The following GRIK2 variants were observed in gnomAD, a reference collection of about 807,000 sequenced individuals.
GRIK2 encodes the protein glutamate ionotropic receptor kainate type subunit 2.
Under a neutral mutation model 100.3 loss-of-function variants are expected in GRIK2, and 32 were observed. The observed-to-expected ratio is 0.32, with a 90% CI of 0.24 to 0.43. The LOEUF (loss-of-function observed/expected upper bound fraction) is 0.43. Ranked by LOEUF, GRIK2 falls within the 20% of genes least tolerant of loss-of-function variation. The pLI is 1.00. For synonymous variants in GRIK2, 417 were observed against 389.4 expected (o/e 1.07, Z -0.83); for missense variants, 843 against 1,114.9 (o/e 0.76, Z 3.47).
chr6:101,517,693 G>C (rs1382777795), intron 2 of GRIK2, among the ~76,000 whole-genome samples: 1 of 151,994 alleles, frequency 6.6e-6, no homozygotes. Flanking sequence ...TGACTTTTAG[G>C]CCTCTGCTTT....
chr6:101,647,670 C>T (rs1282833875), intron 4 of GRIK2, among the ~76,000 whole-genome samples: 1 of 151,960 alleles, frequency 6.6e-6, no homozygotes, highest in Non-Finnish European at 1.5e-5. Flanking sequence ...CTTCATACGA[C>T]TCAGTTATTT....
chr6:101,881,626 A>C (rs185159758), intron 11 of GRIK2, among the ~76,000 whole-genome samples: 1 of 151,944 alleles, frequency 6.6e-6, no homozygotes, highest in Admixed American at 6.6e-5. Flanking sequence ...TAACTTGTCT[A>C]GTGCATTAAA....
At chr6:101,613,979 G>A (rs924752444) in intron 2 of GRIK2, among the ~76,000 whole-genome samples, 2 of 151,636 alleles carry the variant, frequency 1.3e-5, no homozygotes, top group Non-Finnish European at 2.9e-5. Flanking sequence ...ATTAATATAT[G>A]GGAGAACTTT....
chr6:101,820,319 G>A (rs994520305), intron 10 of GRIK2, among the ~76,000 whole-genome samples: 3 of 151,294 alleles, frequency 2.0e-5, no homozygotes, highest in South Asian at 4.2e-4. Context: ...AATAATTCTG[G>A]GTAGAAAACA....
At chr6:101,827,994 A>C (rs1031309945) in intron 10 of GRIK2, among the ~76,000 whole-genome samples, 2 of 152,042 alleles carry the variant, frequency 1.3e-5, no homozygotes, top group African/African-American at 4.8e-5. Flanking sequence ...TCATCTGCAC[A>C]CATAACATAC....
Position 101,839,544 on chromosome 6 carries a change from G to C in GRIK2, c.1318-19743G>C, listed in dbSNP as rs576513592. On this transcript the variant is annotated intron_variant, in intron 10 of 16. Coordinates refer to ENST00000369134, the MANE Select transcript of GRIK2 (RefSeq NM_021956.5). Reference sequence around the variant, plus strand: ...TTTATGATATTAAAGAAATTTTGAAGGATTTAAAATACATGAACAGTATGA... The same window carrying C: ...TTTATGATATTAAAGAAATTTTGAACGATTTAAAATACATGAACAGTATGA... Among the ~76,000 whole-genome samples, 9 of 152,170 alleles carry C rather than the reference G, an allele frequency of 5.9e-5. No homozygotes were observed. In the East Asian group the frequency reaches 1.7e-3, roughly 29 times the overall value.
Position 101,889,794 on chromosome 6 carries a change from C to G in GRIK2, c.1679C>G (p.Ser560Cys). ...PGVFSFLNPL[S>C]PDIWMYILLA... The stretch of plus-strand genomic sequence containing the variant: ...GTCTTCTCCTTCCTGAATCCTCTCT[C>G]CCCTGATATCTGGATGTATATTCTG... Residue 560 changes from serine (S) to cysteine (C), a missense_variant, in exon 12 of 17, where the codon TCC becomes TGC. Transcript: ENST00000369134. 1 of 1,613,550 alleles carries G rather than the reference C, an allele frequency of 6.2e-7. No homozygotes were observed. Among genetic ancestry groups the G allele is most frequent in the Non-Finnish European group, 8.5e-7 (1 of 1,179,652 alleles).
At chr6:101,744,556 AT>A (rs1415858604) in intron 7 of GRIK2, 1 of 113,626 alleles carries the variant, frequency 8.8e-6, no homozygotes, top group Non-Finnish European at 1.8e-5. Context: ...ATATATATAT[AT>A]ATCACAATTT....
At chr6:101,463,375 A>G (rs914042312) in intron 2 of GRIK2, among the ~76,000 whole-genome samples, 3 of 152,228 alleles carry the variant, frequency 2.0e-5, no homozygotes, top group Non-Finnish European at 4.4e-5. Flanking sequence ...CTATGGTGAA[A>G]AAAGTAATTT....
intron 7 of GRIK2, among the ~76,000 whole-genome samples, chr6:101,743,796 G>C (rs1258688787): frequency 6.6e-6 from 1 of 152,048 alleles, no homozygotes; most frequent in Non-Finnish European, 1.5e-5. Context: ...CATTATATTT[G>C]CTTAATATGA....
intron 7 of GRIK2, among the ~76,000 whole-genome samples, chr6:101,782,390 T>C (rs1159783620): frequency 6.6e-6 from 1 of 152,214 alleles, no homozygotes; most frequent in East Asian, 1.9e-4. Flanking sequence ...TCAGTAGCTA[T>C]CATTCTCCTC....
At chr6:101,498,373 G>C (rs1307570104) in intron 2 of GRIK2, among the ~76,000 whole-genome samples, 2 of 152,098 alleles carry the variant, frequency 1.3e-5, no homozygotes, top group Non-Finnish European at 2.9e-5. Context: ...AGTCCTTTGG[G>C]TATATTCCCA....
intron 2 of GRIK2, among the ~76,000 whole-genome samples, chr6:101,432,828 C>T (rs1396932417): frequency 1.3e-5 from 2 of 152,076 alleles, no homozygotes; most frequent in African/African-American, 4.8e-5. Context: ...TTTTTTTCTT[C>T]TTCTTTGGCA....
chr6:101,818,333 G>A (rs1159920895), intron 9 of GRIK2, 37 bp from the exon 10 acceptor site: 2 of 1,165,556 alleles, frequency 1.7e-6, no homozygotes, highest in Admixed American at 3.5e-5. Context: ...CCACGTGCCT[G>A]ATGGACAATT....
chr6:101,634,478 C>T (rs551562747), intron 4 of GRIK2, among the ~76,000 whole-genome samples: 2 of 152,128 alleles, frequency 1.3e-5, no homozygotes, highest in East Asian at 3.9e-4. Flanking sequence ...ATCATAAATT[C>T]ATCTTAAAAA....
At chr6:102,039,614 T>G (rs1340386896) in intron 15 of GRIK2, among the ~76,000 whole-genome samples, 1 of 151,480 alleles carries the variant, frequency 6.6e-6, no homozygotes, top group East Asian at 1.9e-4. Context: ...TTAATAGCAT[T>G]TTTGGCTGCA....
chr6:101,451,523 T>C (rs1199857044), intron 2 of GRIK2, among the ~76,000 whole-genome samples: 2 of 151,702 alleles, frequency 1.3e-5, no homozygotes, highest in Non-Finnish European at 3.0e-5. Context: ...TATTTGTTTC[T>C]GTTGTCTTAT....
At chr6:101,792,605 G>A (rs993400330) in intron 7 of GRIK2, among the ~76,000 whole-genome samples, 12 of 152,168 alleles carry the variant, frequency 7.9e-5, no homozygotes, top group African/African-American at 2.9e-4. Context: ...TTCCCTTTGA[G>A]GGTAACCCGA....
Position 101,928,624 on chromosome 6 carries a change from T to C in GRIK2, c.2077T>C (p.Phe693Leu). Residue 693 changes from phenylalanine (F) to leucine (L), a missense_variant, in exon 14 of 17, where the codon TTT becomes CTT. Phe to Leu is a conservative substitution (Grantham distance 22). Coordinates refer to ENST00000369134, the MANE Select transcript of GRIK2 (RefSeq NM_021956.5). ...GAVEDGATMT[F>L]FKKSKISTYD... ...AGTAGAGGATGGTGCAACCATGACT[T>C]TTTTCAAGGTAAGTTCTGCTGGTTA... 6.5e-7 allele frequency: 1 copy of C among 1,549,008 alleles called. No homozygotes were observed. The highest frequency in any genetic ancestry group is 8.9e-7 in the Non-Finnish European group (1 of 1,121,050).
Sources: gnomAD v4.1 joint callset for allele counts (sites outside exome capture counted in the v4.1 genomes callset) on GRCh38, gnomAD v4.1.1 for gene constraint, MANE v1.5 for transcripts, NCBI Gene and HGNC (gene_info 2026-07-23, HGNC 2026-07-21) for gene names.